Variants in TRAPPC6A observed in about 807,000 individuals in gnomAD.
TRAPPC6A encodes TRAPP complex subunit 6A.
In TRAPPC6A, 25 loss-of-function variants were observed where a neutral mutation model predicts 20.8. The ratio of observed to expected loss-of-function variants is 1.20; its 90% CI spans 0.88 to 1.68. The LOEUF (loss-of-function observed/expected upper bound fraction) is 1.68. TRAPPC6A is among the 40% of genes most tolerant of loss of function. The pLI is 0.00. For missense variants in TRAPPC6A, 215 were observed against 211.6 expected (o/e 1.02, Z -0.10); for synonymous variants, 96 against 93.3 (o/e 1.03, Z -0.16).
chr19:45,175,698 G>A (rs1481394235), intron 1 of TRAPPC6A, among the ~76,000 whole-genome samples: 1 of 152,092 alleles, frequency 6.6e-6, no homozygotes, highest in Admixed American at 6.6e-5. Context: ...GGGCAGAGGA[G>A]GGGCCACGTG....
Position 45,164,267 on chromosome 19 carries a change from G to T in TRAPPC6A, c.271-20C>A, listed in dbSNP as rs747730589. 4.5e-6 allele frequency: 7 copies of T among 1,545,222 alleles called. No homozygotes were observed. In the South Asian group the frequency reaches 8.3e-5, roughly 18 times the overall value. ...GGTCCCCTGGGGGAGAGGAGAGGCT[G>T]GTGGGTGGGGTCGGGGCCTGTACAT... is the stretch of plus-strand genomic sequence containing the variant. On this transcript the variant is annotated intron_variant, in intron 3 of 5. Transcript: ENST00000585934.
intron 1 of TRAPPC6A, among the ~76,000 whole-genome samples, chr19:45,175,528 A>C (rs570734314): frequency 6.6e-6 from 1 of 152,212 alleles, no homozygotes; most frequent in South Asian, 2.1e-4. Flanking sequence ...AGGAGATCCA[A>C]ATTTGACTGG....
chr19:45,174,013 C>T (rs534308688), intron 1 of TRAPPC6A, among the ~76,000 whole-genome samples: 1 of 152,136 alleles, frequency 6.6e-6, no homozygotes, highest in African/African-American at 2.4e-5. Context: ...GCTGAGTAAG[C>T]CAGTTTCCCA....
chr19:45,167,023 C>T (rs578104787), intron 1 of TRAPPC6A, among the ~76,000 whole-genome samples: 2 of 152,242 alleles, frequency 1.3e-5, no homozygotes, highest in African/African-American at 4.8e-5. Flanking sequence ...GCCTTTGTAC[C>T]GACTTCCTTC....
At position 45,163,235 on chromosome 19, in the gene TRAPPC6A, G is replaced by A. The variant is rs183845353; in HGVS notation, c.449-12C>T. On this transcript the variant is annotated splice_polypyrimidine_tract_variant and intron_variant, in intron 5 of 5. Transcript: ENST00000585934. This position sits in a 1 kb window ranked among gnomAD's most constrained non-coding sequence, Gnocchi z 5.3. ...CACCTGGAACTTACCTGGAAGAGAA[G>A]GCCTGGCTTAGGCTTGAGGATGGGA... is the stretch of plus-strand genomic sequence containing the variant. 53 of 1,613,862 alleles carry A rather than the reference G, an allele frequency of 3.3e-5. No individual in the cohort carries two copies. The Middle Eastern group carries it at 9.9e-4, about 30-fold the overall frequency.
intron 1 of TRAPPC6A, among the ~76,000 whole-genome samples, chr19:45,170,469 T>A (rs920756861): frequency 6.6e-6 from 1 of 151,990 alleles, no homozygotes; most frequent in African/African-American, 2.4e-5. Context: ...CAGGCCCAGG[T>A]CACAGCCAGG....
intron 1 of TRAPPC6A, among the ~76,000 whole-genome samples, chr19:45,170,038 G>A (rs899393606): frequency 1.3e-5 from 2 of 152,190 alleles, no homozygotes; most frequent in Non-Finnish European, 1.5e-5. Context: ...AGGGGCCCGG[G>A]CAGTGCAGTG....
At position 45,173,742 on chromosome 19, in the gene TRAPPC6A, G is replaced by A. The variant is rs116172159; in HGVS notation, c.84+4393C>T. On this transcript the variant is annotated intron_variant, in intron 1 of 5. Transcript: ENST00000585934. The surrounding 1 kb of genome is among the most constrained non-coding windows in gnomAD (Gnocchi z 4.8). Reference sequence around the variant, plus strand: ...ATAAAGAGAAAGGACTGAGGAAGCCGTTTCTCATGACAGGCCCCCTGAAAA... The same window carrying A: ...ATAAAGAGAAAGGACTGAGGAAGCCATTTCTCATGACAGGCCCCCTGAAAA... 2.2e-3 allele frequency among the ~76,000 whole-genome samples: 330 copies of A among 152,330 alleles called. 2 individuals carry two copies. The highest frequency in any genetic ancestry group is 7.6e-3 in the African/African-American group (316 of 41,578).
chr19:45,168,150 C>T (rs1422125802), intron 1 of TRAPPC6A, among the ~76,000 whole-genome samples: 4 of 151,682 alleles, frequency 2.6e-5, no homozygotes, highest in African/African-American at 9.7e-5. Context: ...CTATAGGCAC[C>T]CGCCACCACG....
intron 3 of TRAPPC6A, 22 bp from the exon 4 acceptor site, chr19:45,164,269 TG>T: frequency 6.5e-7 from 1 of 1,543,206 alleles, no homozygotes; most frequent in Non-Finnish European, 8.8e-7. Flanking sequence ...GAGAGGCTGG[TG>T]GGTGGGGTCG....
chr19:45,169,858 G>C (rs181051874), intron 1 of TRAPPC6A, among the ~76,000 whole-genome samples: 1 of 152,200 alleles, frequency 6.6e-6, no homozygotes, highest in Non-Finnish European at 1.5e-5. Flanking sequence ...CACTCTGGTG[G>C]AACACGTCTG....
At chr19:45,167,240 C>G (rs577435536) in intron 1 of TRAPPC6A, among the ~76,000 whole-genome samples, 3 of 152,280 alleles carry the variant, frequency 2.0e-5, no homozygotes, top group Non-Finnish European at 2.9e-5. Flanking sequence ...AAGTCCTTAC[C>G]TAATGCTGTC....
intron 1 of TRAPPC6A, among the ~76,000 whole-genome samples, chr19:45,168,414 C>A (rs1199968988): frequency 6.6e-6 from 1 of 152,212 alleles, no homozygotes; most frequent in African/African-American, 2.4e-5. Context: ...GGGCCAAAAG[C>A]AGGAATGGAC....
At chr19:45,171,029 C>A (rs961338193) in intron 1 of TRAPPC6A, among the ~76,000 whole-genome samples, 2 of 152,126 alleles carry the variant, frequency 1.3e-5, no homozygotes, top group African/African-American at 4.8e-5. Context: ...GGGCTGGGCG[C>A]GGGGGCTCTT....
Position 45,163,852 on chromosome 19 carries a change from T to G in TRAPPC6A, c.448+64A>C. The G allele has an allele frequency of 7.0e-7, 1 of 1,420,992 alleles. No individual in the cohort carries two copies. The allele number at this position is 1,420,992 out of a possible 1,614,324, so 88.0% of individuals were successfully genotyped here. A position where few individuals can be genotyped will look rare whatever the true frequency, so the allele number is the denominator to read the frequency against. ...CCAGGCACACACACAGGAGTGGGGC[T>G]GGAACTCTGAAGCCCCCAGCAACTC... On this transcript the variant is annotated intron_variant, in intron 5 of 5. Transcript: ENST00000585934. The surrounding 1 kb of genome is among the most constrained non-coding windows in gnomAD (Gnocchi z 5.3).
At chr19:45,169,769 C>T (rs1293499109) in intron 1 of TRAPPC6A, among the ~76,000 whole-genome samples, 1 of 152,186 alleles carries the variant, frequency 6.6e-6, no homozygotes, top group Non-Finnish European at 1.5e-5. Context: ...AGCGAAGCTC[C>T]TGGAGGCAGG....
chr19:45,169,098 T>G lies in TRAPPC6A; in HGVS notation c.85-3904A>C, dbSNP rs201561502. On this transcript the variant is annotated intron_variant, in intron 1 of 5. Coordinates refer to ENST00000585934, the MANE Select transcript of TRAPPC6A (RefSeq NM_001270891.2). Reference sequence around the variant, plus strand: ...AGCAGAGGCTCATGGAAGGGGCCGATGACTGCAGGAGACGGGCAGGTGTGT... The same window carrying G: ...AGCAGAGGCTCATGGAAGGGGCCGAGGACTGCAGGAGACGGGCAGGTGTGT... Among the ~76,000 whole-genome samples, 36 of 152,260 alleles carry G rather than the reference T, an allele frequency of 2.4e-4. No homozygotes were observed. In the East Asian group the frequency reaches 6.8e-3, roughly 29 times the overall value.
At chr19:45,165,295 G>T in intron 1 of TRAPPC6A, 101 bp from the exon 2 acceptor site, 1 of 1,126,856 alleles carries the variant, frequency 8.9e-7, no homozygotes. Flanking sequence ...CAACTTGCTG[G>T]TGCTCGTCAG....
At chr19:45,170,263 G>A (rs1969241794) in intron 1 of TRAPPC6A, among the ~76,000 whole-genome samples, 1 of 152,246 alleles carries the variant, frequency 6.6e-6, no homozygotes, top group African/African-American at 2.4e-5. Flanking sequence ...CTCAGTCCCT[G>A]CCCTGCTGGA....
Sources: gnomAD v4.1 joint callset for allele counts (sites outside exome capture counted in the v4.1 genomes callset) on GRCh38, gnomAD v4.1.1 for gene constraint, Gnocchi (gnomAD v3.1) non-coding constraint, MANE v1.5 for transcripts, NCBI Gene and HGNC (gene_info 2026-07-23, HGNC 2026-07-21) for gene names.